VPS8: variants seen among roughly 807,000 people sequenced by gnomAD.
VPS8 encodes the protein VPS8 subunit of CORVET complex, also known as vacuolar protein sorting-associated protein 8 homolog.
In VPS8, 129 loss-of-function variants were observed where a neutral mutation model predicts 216.4. The observed-to-expected ratio is 0.60, with a 90% confidence interval of 0.52 to 0.69. The LOEUF (loss-of-function observed/expected upper bound fraction) is 0.69. VPS8 is among the 30% of genes least tolerant of loss of function. The probability of loss-of-function intolerance (pLI) is 0.00; values close to 1 mark genes in which losing one functional copy is unlikely to be tolerated. For missense variants in VPS8, 1,531 were observed against 1,683.5 expected (o/e 0.91, Z 1.59); for synonymous variants, 571 against 565.4 (o/e 1.01, Z -0.14).
intron 42 of VPS8, among the ~76,000 whole-genome samples, chr3:184,988,148 A>G (rs1267820716): frequency 1.3e-5 from 2 of 152,250 alleles, no homozygotes; most frequent in Non-Finnish European, 2.9e-5. Context: ...TGTTTCACAC[A>G]GCAGAAGTGT....
At chr3:184,838,193 T>C (rs528886834) in intron 5 of VPS8, among the ~76,000 whole-genome samples, 16 of 152,360 alleles carry the variant, frequency 1.1e-4, no homozygotes, top group African/African-American at 3.8e-4. Context: ...TAGTTACCGG[T>C]AAGGAGCTGG....
In VPS8 at chr3:184,913,499, T is replaced by G. The variant is rs751556657; in HGVS notation, c.2147-20T>G. On this transcript the variant is annotated intron_variant, in intron 25 of 47. Transcript: ENST00000625842. ...GGTTTTGAGAGAAAATTGCTGAAGA[T>G]ACTTCTCTTTCTATTTTAGATGAAC... 6.4e-7 allele frequency: 1 copy of G among 1,570,826 alleles called. No individual in the cohort carries two copies. The highest frequency in any genetic ancestry group is 1.4e-5 in the African/African-American group (1 of 72,456).
intron 23 of VPS8, 100 bp downstream of exon 23, chr3:184,895,025 C>T (rs1346237499): frequency 1.0e-5 from 10 of 972,358 alleles, no homozygotes; most frequent in Non-Finnish European, 1.3e-5. Flanking sequence ...TTCTAAGAAC[C>T]GTAATTATTT....
chr3:184,866,247 A>G (rs1322792328), intron 16 of VPS8, among the ~76,000 whole-genome samples: 2 of 152,258 alleles, frequency 1.3e-5, no homozygotes, highest in Admixed American at 6.5e-5. Context: ...ATACTTGGCT[A>G]CAACATGGAT....
intron 23 of VPS8, among the ~76,000 whole-genome samples, chr3:184,897,424 A>G (rs1733707453): frequency 6.6e-6 from 1 of 152,218 alleles, no homozygotes; most frequent in Non-Finnish European, 1.5e-5. Context: ...GAAGATTGCA[A>G]GACTAAGGCA....
chr3:184,929,521 G>A, intron 32 of VPS8, 59 bp from the exon 33 acceptor site: 1 of 986,266 alleles, frequency 1.0e-6, no homozygotes, highest in Non-Finnish European at 1.6e-6. Flanking sequence ...GTGTGCCAGA[G>A]CAAATGTCTC....
chr3:184,853,040 C>G (rs1270245545), intron 11 of VPS8, among the ~76,000 whole-genome samples: 1 of 152,082 alleles, frequency 6.6e-6, no homozygotes, highest in East Asian at 1.9e-4. Context: ...TATTATGTCT[C>G]CATAAGTTCT....
intron 39 of VPS8, among the ~76,000 whole-genome samples, chr3:184,968,864 T>G (rs1203503548): frequency 1.3e-5 from 2 of 152,344 alleles, no homozygotes; most frequent in Admixed American, 1.3e-4. Context: ...ACCATTTCCC[T>G]AATTCTCTGT....
intron 47 of VPS8, among the ~76,000 whole-genome samples, chr3:185,050,767 G>T (rs1714046361): frequency 6.6e-6 from 1 of 152,186 alleles, no homozygotes; most frequent in Non-Finnish European, 1.5e-5. Flanking sequence ...AGACAGGGCT[G>T]CCCTGAGGAG....
intron 40 of VPS8, among the ~76,000 whole-genome samples, chr3:184,973,587 T>C (rs1467563334): frequency 6.6e-6 from 1 of 152,218 alleles, no homozygotes; most frequent in Non-Finnish European, 1.5e-5. Flanking sequence ...TTTTGAAATA[T>C]GCAATAAATT....
chr3:184,852,341 A>C (rs1259308706), intron 10 of VPS8, among the ~76,000 whole-genome samples, 159 bp from the exon 11 acceptor site: 1 of 152,188 alleles, frequency 6.6e-6, no homozygotes, highest in Non-Finnish European at 1.5e-5. Context: ...AATAAAGGTA[A>C]GTTTGTAAGT....
intron 46 of VPS8, among the ~76,000 whole-genome samples, chr3:185,042,415 CG>C (rs1459953115): frequency 6.6e-6 from 1 of 152,068 alleles, no homozygotes; most frequent in Non-Finnish European, 1.5e-5. Context: ...AAAAGGAAAA[CG>C]TAATTATGGA....
intron 21 of VPS8, among the ~76,000 whole-genome samples, chr3:184,879,607 G>T (rs1007789009): frequency 1.3e-5 from 2 of 152,180 alleles, no homozygotes; most frequent in Non-Finnish European, 2.9e-5. Context: ...GGGCTCTCAT[G>T]AGAGGAGCCT....
At position 184,983,046 on chromosome 3, in the gene VPS8, C is replaced by T. The variant is rs1299748310; in HGVS notation, c.3537C>T (p.Ser1179=). 1 of 1,609,744 alleles carries T rather than the reference C, an allele frequency of 6.2e-7. No individual in the cohort carries two copies. The highest frequency in any genetic ancestry group is 8.5e-7 in the Non-Finnish European group (1 of 1,177,618). Residue 1179 remains serine, a synonymous_variant, in exon 42 of 48, where the codon AGC becomes AGT. Coordinates refer to ENST00000625842, the MANE Select transcript of VPS8 (RefSeq NM_001009921.3). The part of the protein sequence containing the change: ...LKSLTMQVLN[S]MAAFIALPSI... ...CTTTGACCATGCAAGTTTTAAATAG[C>T]ATGGCAGCATTTATTGCCCTTCCAT...
chr3:184,950,658 A>G (rs1458769434), intron 36 of VPS8, among the ~76,000 whole-genome samples: 1 of 152,146 alleles, frequency 6.6e-6, no homozygotes, highest in South Asian at 2.1e-4. Flanking sequence ...TTACATAGGT[A>G]TACATGTGCC....
At chr3:184,951,891 G>A (rs544582367) in intron 36 of VPS8, among the ~76,000 whole-genome samples, 5 of 152,298 alleles carry the variant, frequency 3.3e-5, no homozygotes, top group South Asian at 2.1e-4. Context: ...CATCAGACAC[G>A]TTACTTCTCT....
At chr3:184,933,661 A>G (rs1212013150) in intron 34 of VPS8, among the ~76,000 whole-genome samples, 1 of 152,046 alleles carries the variant, frequency 6.6e-6, no homozygotes, top group East Asian at 1.9e-4. Flanking sequence ...TGTGCATAGT[A>G]TGAGATGGAA....
At chr3:184,836,758 T>C (rs895947846) in intron 5 of VPS8, among the ~76,000 whole-genome samples, 1 of 152,166 alleles carries the variant, frequency 6.6e-6, no homozygotes, top group Non-Finnish European at 1.5e-5. Context: ...CCTTCAGCCA[T>C]GTGGTTAGTG....
chr3:184,933,196 G>C (rs1477546898), intron 34 of VPS8, among the ~76,000 whole-genome samples: 1 of 152,152 alleles, frequency 6.6e-6, no homozygotes, highest in Non-Finnish European at 1.5e-5. Context: ...TGCCAGCACT[G>C]TATGAGAGTT....
Sources: gnomAD v4.1 joint callset for allele counts (sites outside exome capture counted in the v4.1 genomes callset) on GRCh38, gnomAD v4.1.1 for gene constraint, MANE v1.5 for transcripts, NCBI Gene and HGNC (gene_info 2026-07-23, HGNC 2026-07-21) for gene names.